Variants in NELL2 observed in about 807,000 individuals in gnomAD.
NELL2 encodes protein kinase C-binding protein NELL2.
In NELL2, 41 loss-of-function variants were observed where a neutral mutation model predicts 109.6. The observed-to-expected ratio is 0.37, with a 90% CI of 0.29 to 0.49. The LOEUF is 0.49. Ranked by LOEUF, NELL2 falls within the 20% of genes least tolerant of loss-of-function variation. The pLI, the probability that NELL2 is intolerant of heterozygous loss-of-function variation, is 0.98. For synonymous variants in NELL2, 355 were observed against 344.7 expected (o/e 1.03, Z -0.33); for missense variants, 900 against 1,008.3 (o/e 0.89, Z 1.45).
At chr12:44,795,577 G>A (rs1942590342) in intron 3 of NELL2, among the ~76,000 whole-genome samples, 1 of 152,158 alleles carries the variant, frequency 6.6e-6, no homozygotes, top group South Asian at 2.1e-4. Flanking sequence ...TCTTAAGGCT[G>A]ATTCTGTGAA....
chr12:44,517,909 C>A (rs1343264535), intron 19 of NELL2, among the ~76,000 whole-genome samples: 6 of 152,078 alleles, frequency 3.9e-5, no homozygotes, highest in Non-Finnish European at 5.9e-5. Flanking sequence ...TAAAATAGTG[C>A]TTTCAAAGCA....
rs773049361 is a variant in NELL2, at chr12:44,777,069, C to T, written c.735G>A (p.Gln245=). Residue 245 remains glutamine, a synonymous_variant, in exon 7 of 20, where the codon CAG becomes CAA. Transcript: ENST00000429094. ...TGGCTGATGTTTTGGCTAAAATATC[C>T]TGTAGCTCCATGATTTTCTGCACAA... ...HGLVQKIMEL[Q]DILAKTSAKL... is the part of the protein sequence containing the mutation. The T allele has an allele frequency of 6.2e-7, 1 of 1,613,856 alleles. No homozygotes were observed. The highest frequency in any genetic ancestry group is 1.1e-5 in the South Asian group (1 of 91,082).
intron 3 of NELL2, among the ~76,000 whole-genome samples, chr12:44,800,576 C>T (rs192854975): frequency 1.1e-3 from 169 of 152,266 alleles, no homozygotes; most frequent in African/African-American, 3.8e-3. Context: ...GATACTTTTA[C>T]GGATATGTCC....
chr12:44,645,455 T>C (rs1211225224), intron 13 of NELL2, among the ~76,000 whole-genome samples: 1 of 152,082 alleles, frequency 6.6e-6, no homozygotes, highest in Non-Finnish European at 1.5e-5. Flanking sequence ...ACAAAGGACA[T>C]GAATATAAGT....
chr12:44,519,104 G>GA (rs1253525056), intron 19 of NELL2, among the ~76,000 whole-genome samples: 2 of 151,966 alleles, frequency 1.3e-5, no homozygotes, highest in Non-Finnish European at 1.5e-5. Context: ...TGCTCTGTAG[G>GA]AAAAAAATTA....
chr12:44,702,346 C>A (rs1426220947), intron 12 of NELL2, among the ~76,000 whole-genome samples: 1 of 152,010 alleles, frequency 6.6e-6, no homozygotes, highest in Non-Finnish European at 1.5e-5. Context: ...TACATCAAGC[C>A]TAGAAAAGTG....
intron 2 of NELL2, among the ~76,000 whole-genome samples, chr12:44,871,618 C>G (rs899503628): frequency 2.0e-5 from 3 of 152,148 alleles, no homozygotes; most frequent in African/African-American, 7.2e-5. Flanking sequence ...ACAGCCATCA[C>G]TTCAAAGTCC....
chr12:44,552,974 T>C (rs890402007), intron 15 of NELL2, among the ~76,000 whole-genome samples: 1 of 151,932 alleles, frequency 6.6e-6, no homozygotes, highest in African/African-American at 2.4e-5. Flanking sequence ...TGGTTAAAGG[T>C]GAACATTTCC....
chr12:44,738,063 T>G (rs1329267093), intron 9 of NELL2, among the ~76,000 whole-genome samples: 2 of 152,146 alleles, frequency 1.3e-5, no homozygotes, highest in Non-Finnish European at 2.9e-5. Context: ...CCTCCCTGAT[T>G]TCCCAAAATA....
In NELL2 at chr12:44,814,887, A is replaced by T. The variant is rs11182698; in HGVS notation, c.335+1099T>A. On this transcript the variant is annotated intron_variant, in intron 3 of 19. Coordinates refer to ENST00000429094, the MANE Select transcript of NELL2 (RefSeq NM_001145108.2). ...CTGCGATAAGAGAAACCAAATAAAG[A>T]GATTTATACCCATGCTTGGACAGGA... Among the ~76,000 whole-genome samples the T allele has an allele frequency of 4.7e-3, 712 of 152,314 alleles. 6 individuals carry two copies. The highest frequency in any genetic ancestry group is 0.016 in the African/African-American group (675 of 41,562).
chr12:44,513,498 T>A (rs1941094503), intron 19 of NELL2, among the ~76,000 whole-genome samples: 1 of 151,918 alleles, frequency 6.6e-6, no homozygotes. Context: ...GGAAAGTATC[T>A]ATCATAAATA....
chr12:44,628,004 G>C (rs1365365195), intron 13 of NELL2, among the ~76,000 whole-genome samples: 1 of 152,016 alleles, frequency 6.6e-6, no homozygotes. Context: ...ACATAGTTTG[G>C]CACCGTCAGC....
intron 1 of NELL2, among the ~76,000 whole-genome samples, chr12:44,902,585 G>T (rs146584149): frequency 6.6e-6 from 1 of 152,044 alleles, no homozygotes; most frequent in Admixed American, 6.6e-5. Context: ...AAAAGAGCCC[G>T]TATAGCCAAG....
intron 1 of NELL2, among the ~76,000 whole-genome samples, chr12:44,908,858 G>T (rs1945748914): frequency 6.6e-6 from 1 of 151,832 alleles, no homozygotes; most frequent in African/African-American, 2.4e-5. Flanking sequence ...ATATTAAAAG[G>T]GAATCTCTTG....
At chr12:44,785,678 G>C (rs888147485) in intron 3 of NELL2, among the ~76,000 whole-genome samples, 1 of 152,112 alleles carries the variant, frequency 6.6e-6, no homozygotes, top group African/African-American at 2.4e-5. Flanking sequence ...TACCAAAACA[G>C]ATATATAGTC....
intron 1 of NELL2, among the ~76,000 whole-genome samples, chr12:44,906,091 A>G (rs918932662): frequency 2.0e-5 from 3 of 152,034 alleles, no homozygotes; most frequent in Admixed American, 6.6e-5. Flanking sequence ...TCTCACAAAG[A>G]TTGGCATTAA....
chr12:44,553,899 C>T (rs935697697), intron 15 of NELL2, among the ~76,000 whole-genome samples: 4 of 152,130 alleles, frequency 2.6e-5, no homozygotes, highest in African/African-American at 9.7e-5. Flanking sequence ...ACGCACACAT[C>T]TGTGCATTTA....
At chr12:44,582,735 T>A (rs531035034) in intron 15 of NELL2, among the ~76,000 whole-genome samples, 105 of 151,698 alleles carry the variant, frequency 6.9e-4, no homozygotes, top group Admixed American at 1.4e-3. Context: ...AAGAACAGAG[T>A]ATTGTTTGGT....
intron 13 of NELL2, among the ~76,000 whole-genome samples, chr12:44,642,408 A>T (rs4768070): frequency 0.08 from 12,154 of 152,276 alleles, 576 homozygotes; most frequent in Non-Finnish European, 0.1. Context: ...ATAAAAATAT[A>T]TAAGATGGTC....
Sources: allele counts gnomAD v4.1 joint callset (sites outside exome capture counted in the v4.1 genomes callset), GRCh38; gene constraint gnomAD v4.1.1; transcripts MANE v1.5; gene names NCBI Gene and HGNC (gene_info 2026-07-23, HGNC 2026-07-21).